The following SHANK2 variants were observed in gnomAD, a reference collection of about 807,000 sequenced individuals.
SHANK2 encodes the protein SH3 and multiple ankyrin repeat domains 2.
A neutral mutation model predicts 133.7 loss-of-function variants in SHANK2; 43 were observed. That is an observed-to-expected ratio of 0.32 (90% CI 0.25 to 0.41). The LOEUF (loss-of-function observed/expected upper bound fraction) is 0.41. Among genes scored for constraint, SHANK2 ranks in the 10% least tolerant of loss-of-function variants. The pLI, the probability that SHANK2 is intolerant of heterozygous loss-of-function variation, is 1.00. For missense variants in SHANK2, 1,994 were observed against 2,235.8 expected, an observed-to-expected ratio of 0.89 and a Z score of 2.18; for synonymous variants, 1,017 against 952.8, an observed-to-expected ratio of 1.07 and a Z score of -1.24.
intron 17 of SHANK2, among the ~76,000 whole-genome samples, chr11:70,505,110 A>G (rs2059118176): frequency 6.6e-6 from 1 of 152,228 alleles, no homozygotes; most frequent in African/African-American, 2.4e-5. Context: ...CTAAGAAGGC[A>G]GAACCAAGTA....
chr11:71,135,093 T>C (rs1342265035), intron 3 of SHANK2, among the ~76,000 whole-genome samples: 2 of 151,994 alleles, frequency 1.3e-5, no homozygotes, highest in Non-Finnish European at 2.9e-5. Flanking sequence ...CACACCAAGT[T>C]TGTGCATACC....
intron 14 of SHANK2, among the ~76,000 whole-genome samples, chr11:70,729,042 TA>T (rs2134711133): frequency 6.6e-6 from 1 of 151,934 alleles, no homozygotes; most frequent in Admixed American, 6.6e-5. Flanking sequence ...CTGTCTCTAC[TA>T]AAAGTACAAA....
intron 15 of SHANK2, among the ~76,000 whole-genome samples, chr11:70,695,905 T>C (rs1238967593): frequency 2.0e-5 from 3 of 152,248 alleles, no homozygotes; most frequent in Non-Finnish European, 4.4e-5. Context: ...AGCTGACTCC[T>C]AACTCTGATC....
Position 70,659,946 on chromosome 11 carries a change from G to A in SHANK2, c.1943C>T (p.Thr648Ile), listed in dbSNP as rs1555012820. Residue 648 changes from threonine to isoleucine, a missense_variant, in exon 17 of 26, where the codon ACA (threonine) becomes ATA (isoleucine). This residue lies in a region of SHANK2 where 14 missense variants were observed against 42.4 expected (regional missense o/e 0.33). Transcript: ENST00000601538. ...GFVLRGAKAD[T>I]PIEEFTPTPA... ...TGTTGGTGTGAATTCTTCAATGGGTGTGTCAGCTGGGAAGACAAGCAGCAC... is the reference window on the plus strand; with the variant it reads ...TGTTGGTGTGAATTCTTCAATGGGTATGTCAGCTGGGAAGACAAGCAGCAC... 1.9e-6 allele frequency: 3 copies of A among 1,614,224 alleles called. No individual in the cohort carries two copies. Among genetic ancestry groups the A allele is most frequent in the Non-Finnish European group, 1.7e-6 (2 of 1,180,048 alleles).
chr11:70,895,078 G>A (rs1337027684), intron 11 of SHANK2, among the ~76,000 whole-genome samples: 2 of 152,236 alleles, frequency 1.3e-5, no homozygotes, highest in African/African-American at 2.4e-5. Flanking sequence ...GAGCAATTAA[G>A]TGATTTGCCC....
intron 3 of SHANK2, among the ~76,000 whole-genome samples, chr11:71,141,659 T>C (rs1952556554): frequency 6.6e-6 from 1 of 152,096 alleles, no homozygotes; most frequent in Admixed American, 6.5e-5. Flanking sequence ...GCAGCGTCGT[T>C]ATTACCAGCA....
At chr11:70,636,738 ATG>A (rs1159234242) in intron 17 of SHANK2, among the ~76,000 whole-genome samples, 2 of 76,414 alleles carry the variant, frequency 2.6e-5, no homozygotes, top group African/African-American at 3.7e-5. Flanking sequence ...ATGTGTGAAT[ATG>A]TGTGAGCATG....
At chr11:71,138,252 A>G (rs564317141) in intron 3 of SHANK2, among the ~76,000 whole-genome samples, 1 of 152,278 alleles carries the variant, frequency 6.6e-6, no homozygotes, top group African/African-American at 2.4e-5. Context: ...CCCTCTCACA[A>G]TGGCCGGGCG....
intron 17 of SHANK2, among the ~76,000 whole-genome samples, chr11:70,609,382 G>A (rs1554993491): frequency 1.3e-5 from 2 of 152,202 alleles, no homozygotes; most frequent in East Asian, 1.9e-4. Context: ...GACCTGGCGT[G>A]TGAAGAAACC....
intron 17 of SHANK2, among the ~76,000 whole-genome samples, chr11:70,654,922 C>T (rs1555011188): frequency 6.6e-6 from 1 of 152,082 alleles, no homozygotes; most frequent in African/African-American, 2.4e-5. Context: ...CACGCACCAC[C>T]ACGCCCAGCT....
At chr11:70,638,234 A>G (rs1346437849) in intron 17 of SHANK2, among the ~76,000 whole-genome samples, 2 of 152,240 alleles carry the variant, frequency 1.3e-5, no homozygotes, top group African/African-American at 4.8e-5. Flanking sequence ...GAGACCACGG[A>G]CTGCCGGCTT....
intron 2 of SHANK2, among the ~76,000 whole-genome samples, chr11:71,214,148 C>T (rs567595750): frequency 6.6e-6 from 1 of 152,300 alleles, no homozygotes; most frequent in South Asian, 2.1e-4. Flanking sequence ...CCACCTCCTG[C>T]CTCCTGACCA....
chr11:70,582,558 G>C (rs1329759307), intron 17 of SHANK2, among the ~76,000 whole-genome samples: 1 of 152,236 alleles, frequency 6.6e-6, no homozygotes, highest in East Asian at 1.9e-4. Context: ...TAGGCAGCGG[G>C]AGGATACGCA....
At chr11:70,833,686 G>A (rs1948764795) in intron 11 of SHANK2, among the ~76,000 whole-genome samples, 1 of 152,292 alleles carries the variant, frequency 6.6e-6, no homozygotes, top group African/African-American at 2.4e-5. Flanking sequence ...CTTACGCACA[G>A]TGGGTGCTCA....
At chr11:70,724,397 G>A (rs1337853874) in intron 14 of SHANK2, among the ~76,000 whole-genome samples, 1 of 152,170 alleles carries the variant, frequency 6.6e-6, no homozygotes, top group Non-Finnish European at 1.5e-5. Flanking sequence ...AGGTTTTGTT[G>A]TGGTGGTGGG....
rs528042444 is a variant in SHANK2 at position 70,472,097 on chromosome 11, T to C, written c.*772A>G. On this transcript the variant is annotated 3_prime_UTR_variant, in exon 26 of 26. Transcript: ENST00000601538. This position sits in a 1 kb window ranked among gnomAD's most constrained non-coding sequence, Gnocchi z 4.4. ...CTCCCCTCCATTGTGGAATCGTGACTTTGTGCTTTGACTAACTCCATGTGA... is the reference window on the plus strand; with the variant it reads ...CTCCCCTCCATTGTGGAATCGTGACCTTGTGCTTTGACTAACTCCATGTGA... The C allele has an allele frequency of 2.0e-4, 30 of 152,818 alleles. 1 individual carries two copies. Among genetic ancestry groups the C allele is most frequent in the African/African-American group, 6.5e-4 (27 of 41,582 alleles). 9.5% of individuals were successfully genotyped at this position (152,818 alleles called of 1,614,324 possible).
At chr11:70,586,007 G>A (rs1361080120) in intron 17 of SHANK2, among the ~76,000 whole-genome samples, 2 of 152,106 alleles carry the variant, frequency 1.3e-5, no homozygotes, top group Non-Finnish European at 2.9e-5. Flanking sequence ...GAGACAGCTG[G>A]GAAAAAGACC....
chr11:70,673,149 G>T (rs1944846271), intron 15 of SHANK2, among the ~76,000 whole-genome samples: 1 of 152,136 alleles, frequency 6.6e-6, no homozygotes, highest in African/African-American at 2.4e-5. Context: ...AGATGGTCCT[G>T]GACAAATGGG....
chr11:71,189,671 C>T (rs1555115083), intron 2 of SHANK2, among the ~76,000 whole-genome samples: 1 of 152,208 alleles, frequency 6.6e-6, no homozygotes, highest in African/African-American at 2.4e-5. Flanking sequence ...AAGTGCTGGG[C>T]GTGAGCCACC....
Sources: allele counts gnomAD v4.1 joint callset (sites outside exome capture counted in the v4.1 genomes callset), GRCh38; gene constraint gnomAD v4.1.1; regional missense constraint gnomAD v4.1.1; non-coding constraint Gnocchi (gnomAD v3.1); transcripts MANE v1.5; gene names NCBI Gene and HGNC (gene_info 2026-07-23, HGNC 2026-07-21).